Variants in MRTFB observed in about 807,000 individuals in gnomAD.
The protein encoded by MRTFB is myocardin-related transcription factor B.
MRTFB carries 29 observed loss-of-function variants against 104.2 expected under a neutral mutation model. That is an observed-to-expected ratio of 0.28 (90% CI 0.21 to 0.38). The LOEUF (loss-of-function observed/expected upper bound fraction) is 0.38, where lower values mean the gene tolerates loss of function less well. MRTFB is among the 10% of genes least tolerant of loss of function. MRTFB has a pLI of 1.00. For synonymous variants in MRTFB, 535 were observed against 519.5 expected, an observed-to-expected ratio of 1.03 and a Z score of -0.41; for missense variants, 1,270 against 1,341.6, an observed-to-expected ratio of 0.95 and a Z score of 0.83.
At chr16:14,076,272 A>T (rs2034044231) in intron 1 of MRTFB, among the ~76,000 whole-genome samples, 1 of 151,992 alleles carries the variant, frequency 6.6e-6, no homozygotes, top group Admixed American at 6.6e-5. Flanking sequence ...GCTCACTGTA[A>T]CCTCCATCTC....
chr16:14,191,207 C>T (rs1442053486), intron 3 of MRTFB, among the ~76,000 whole-genome samples: 2 of 152,158 alleles, frequency 1.3e-5, no homozygotes, highest in Non-Finnish European at 2.9e-5. Context: ...AAATTCAGCT[C>T]CTCAGTCACA....
At chr16:14,188,158 A>T (rs573100704) in intron 3 of MRTFB, among the ~76,000 whole-genome samples, 11 of 152,352 alleles carry the variant, frequency 7.2e-5, no homozygotes, top group Admixed American at 3.9e-4. Flanking sequence ...GTTGCTAGGA[A>T]CCAAACAATG....
Position 14,234,219 on chromosome 16 carries a change from C to G in MRTFB, c.767C>G (p.Pro256Arg). 3.7e-6 allele frequency: 6 copies of G among 1,614,184 alleles called. No individual in the cohort carries two copies. The highest frequency in any genetic ancestry group is 5.1e-6 in the Non-Finnish European group (6 of 1,180,020). ...PPTADQPPPR[P>R]AAPVLPTNTV... ...ACTGCAGATCAGCCTCCCCCACGGC[C>G]TGCAGCTCCTGTCCTCCCCACAAAC... Residue 256 changes from proline to arginine, a missense_variant, in exon 9 of 17, where the codon CCT (proline) becomes CGT (arginine). Pro to Arg is a moderately radical substitution (Grantham distance 103, BLOSUM62 -2). Transcript: ENST00000571589.
intron 6 of MRTFB, chr16:14,214,965 G>C (rs1449492229): frequency 6.6e-6 from 1 of 152,186 alleles, no homozygotes; most frequent in Non-Finnish European, 1.5e-5. Flanking sequence ...AACTCCAGTA[G>C]TAGGGTAGAG....
chr16:14,169,125 T>C (rs1188484989), intron 3 of MRTFB, among the ~76,000 whole-genome samples: 3 of 152,184 alleles, frequency 2.0e-5, no homozygotes, highest in African/African-American at 7.2e-5. Context: ...CCATTAATAT[T>C]TTAACATGCT....
At chr16:14,039,568 C>T in the MRTFB span, among the ~76,000 whole-genome samples, 5 of 151,546 alleles carry the variant, frequency 3.3e-5, no homozygotes, top group African/African-American at 9.7e-5. Context: ...TCTATATATG[C>T]GTGCACAAAT....
At chr16:14,167,421 A>G (rs1444577559) in intron 3 of MRTFB, among the ~76,000 whole-genome samples, 2 of 152,034 alleles carry the variant, frequency 1.3e-5, no homozygotes, top group South Asian at 2.1e-4. Context: ...TTCCAGATGG[A>G]TAAATGGCAA....
At chr16:14,048,608 T>A in the MRTFB span, among the ~76,000 whole-genome samples, 1 of 152,144 alleles carries the variant, frequency 6.6e-6, no homozygotes, top group East Asian at 1.9e-4. Context: ...GAAGTTTGGA[T>A]CTTATTCTAA....
chr16:14,197,038 C>T (rs538118782), intron 3 of MRTFB, among the ~76,000 whole-genome samples: 72 of 132,580 alleles, frequency 5.4e-4, no homozygotes, highest in Admixed American at 3.3e-3. Context: ...GTCGTGATTG[C>T]GGCTCACTAC....
chr16:14,059,997 A>ATTTTTT, the MRTFB span, among the ~76,000 whole-genome samples: 74 of 99,722 alleles, frequency 7.4e-4, 8 homozygotes, highest in African/African-American at 3.5e-3. Context: ...GAGACATGTA[A>ATTTTTT]TTTTTTTTTT....
At chr16:14,258,808 G>A (rs1437888556) in intron 16 of MRTFB, among the ~76,000 whole-genome samples, 2 of 152,118 alleles carry the variant, frequency 1.3e-5, no homozygotes, top group African/African-American at 4.8e-5. Flanking sequence ...AATATAATAT[G>A]AAGTCTTAGA....
chr16:14,176,683 G>A (rs1363290508), intron 3 of MRTFB, among the ~76,000 whole-genome samples: 2 of 152,192 alleles, frequency 1.3e-5, no homozygotes, highest in East Asian at 3.8e-4. Flanking sequence ...CTGGACAAGT[G>A]ACTTAACCTC....
At chr16:14,000,961 C>T in the MRTFB span, among the ~76,000 whole-genome samples, 8 of 152,264 alleles carry the variant, frequency 5.3e-5, no homozygotes, top group South Asian at 2.1e-4. Flanking sequence ...TAAACCATTG[C>T]ATGCCAGGCC....
chr16:14,252,649 A>G, intron 15 of MRTFB, 147 bp downstream of exon 15: 1 of 1,022,510 alleles, frequency 9.8e-7, no homozygotes, highest in South Asian at 2.3e-5. Flanking sequence ...ATGGTTATTT[A>G]AAATCAAAAT....
chr16:14,101,879 A>C (rs997038124), intron 2 of MRTFB, among the ~76,000 whole-genome samples: 1 of 152,190 alleles, frequency 6.6e-6, no homozygotes, highest in East Asian at 1.9e-4. Context: ...AAATAAGTGG[A>C]GTGAAACCAG....
chr16:14,186,832 G>A, intron 3 of MRTFB: 1 of 1,588,368 alleles, frequency 6.3e-7, no homozygotes, highest in South Asian at 1.1e-5. Context: ...AGGGACCAGA[G>A]TGTTCTGCGC....
At chr16:14,085,290 T>A (rs2034629992) in intron 2 of MRTFB, among the ~76,000 whole-genome samples, 1 of 151,506 alleles carries the variant, frequency 6.6e-6, no homozygotes, top group African/African-American at 2.4e-5. Flanking sequence ...ACCCTGTCTC[T>A]ACTAAAAATA....
chr16:14,156,822 A>AT (rs2038847058), intron 3 of MRTFB, among the ~76,000 whole-genome samples: 1 of 152,144 alleles, frequency 6.6e-6, no homozygotes, highest in African/African-American at 2.4e-5. Context: ...TAAAGACTGT[A>AT]TTTTCCTTCT....
chr16:14,223,739 A>G (rs896402566), intron 8 of MRTFB, among the ~76,000 whole-genome samples: 1 of 152,226 alleles, frequency 6.6e-6, no homozygotes. Flanking sequence ...CCATCAAGCG[A>G]TCAATGTATT....
Sources: gnomAD v4.1 joint callset for allele counts (sites outside exome capture counted in the v4.1 genomes callset) on GRCh38, gnomAD v4.1.1 for gene constraint, MANE v1.5 for transcripts, NCBI Gene and HGNC (gene_info 2026-07-23, HGNC 2026-07-21) for gene names.